NSF: variants seen among roughly 807,000 people sequenced by gnomAD.
NSF encodes the protein vesicle-fusing ATPase.
A neutral mutation model predicts 50.3 loss-of-function variants in NSF; 14 were observed. The observed-to-expected ratio is 0.28, with a 90% CI of 0.18 to 0.44. NSF has a LOEUF of 0.44. Ranked by LOEUF, NSF falls within the 20% of genes least tolerant of loss-of-function variation. The pLI is 1.00. For missense variants in NSF, 218 were observed against 504.3 expected (o/e 0.43, Z 5.44); for synonymous variants, 109 against 175.7 (o/e 0.62, Z 3.00).
chr17:46,721,134 C>T (rs187948840), intron 15 of NSF, among the ~76,000 whole-genome samples: 162 of 152,288 alleles, frequency 1.1e-3, no homozygotes, highest in African/African-American at 3.7e-3. Context: ...TCAGTGCTCA[C>T]GGAGTGCATG....
chr17:46,751,925 T>G (rs2059185162), intron 19 of NSF, among the ~76,000 whole-genome samples: 1 of 152,180 alleles, frequency 6.6e-6, no homozygotes, highest in Non-Finnish European at 1.5e-5. Context: ...ATTTTGGAGA[T>G]AAGGATACTA....
intron 9 of NSF, among the ~76,000 whole-genome samples, chr17:46,675,770 C>A (rs2146205031): frequency 8.8e-6 from 1 of 114,272 alleles, no homozygotes; most frequent in Admixed American, 1.1e-4. Context: ...CTGGTTCTAG[C>A]AATACAGTAG....
intron 17 of NSF, among the ~76,000 whole-genome samples, chr17:46,734,697 T>C (rs553804655): frequency 1.3e-5 from 2 of 152,224 alleles, no homozygotes; most frequent in South Asian, 4.1e-4. Context: ...ACTACATAGA[T>C]AGACAGTATT....
rs1158578265 is a variant in NSF at position 46,646,502 on chromosome 17, CAAAAAAAAAAAAAAAAAAAAAA to C, written c.745+3255_745+3276del. 8.1e-3 allele frequency among the ~76,000 whole-genome samples: 4 copies of C among 494 alleles called. 2 individuals are homozygous for C. The highest frequency in any genetic ancestry group is 0.012 in the African/African-American group (4 of 322). The allele number at this position is 494 out of a possible 152,430, so 0.3% of individuals were successfully genotyped here. On this transcript the variant is annotated intron_variant, in intron 8 of 20. Transcript: ENST00000398238. ...TGGGCGACAGAGCGAGACTCCATCT[CAAAAAAAAAAAAAAAAAAAAAA>C]AAAAAAAAAAAGAAGAAGATAATGT... is the stretch of plus-strand genomic sequence containing the variant.
chr17:46,712,661 T>C (rs1207448302), intron 14 of NSF, among the ~76,000 whole-genome samples: 1 of 152,156 alleles, frequency 6.6e-6, no homozygotes, highest in East Asian at 1.9e-4. Flanking sequence ...GTATATAGAC[T>C]GTGGTTGAAG....
chr17:46,712,583 T>TG (rs560842797), intron 14 of NSF, among the ~76,000 whole-genome samples: 1 of 152,190 alleles, frequency 6.6e-6, no homozygotes, highest in Admixed American at 6.5e-5. Flanking sequence ...ATAGGAGAAG[T>TG]AAATCGGAAA....
chr17:46,710,482 C>A (rs912737339), intron 13 of NSF, among the ~76,000 whole-genome samples: 3 of 152,112 alleles, frequency 2.0e-5, no homozygotes, highest in African/African-American at 7.2e-5. Context: ...TTAACTATGT[C>A]CCCTACCACA....
intron 17 of NSF, among the ~76,000 whole-genome samples, chr17:46,732,834 A>G (rs561510600): frequency 1.3e-5 from 2 of 152,346 alleles, no homozygotes; most frequent in Admixed American, 1.3e-4. Context: ...CTGTCCCAGC[A>G]GGGAGCCAAG....
At chr17:46,743,308 C>T (rs2059095795) in intron 17 of NSF, among the ~76,000 whole-genome samples, 1 of 152,140 alleles carries the variant, frequency 6.6e-6, no homozygotes, top group African/African-American at 2.4e-5. Flanking sequence ...ATTCCTGACA[C>T]CACAGGCAGA....
rs183729891 is a variant in NSF, at chr17:46,711,143, A to G, written c.1627+24A>G. On this transcript the variant is annotated intron_variant, in intron 14 of 20. Coordinates refer to ENST00000398238, the MANE Select transcript of NSF (RefSeq NM_006178.4). ...AGGTGAGAATGAATGAGGAGATGGCATTAAAAGTTAAAGGAAAAAAAGCAG... is the reference window on the plus strand; with the variant it reads ...AGGTGAGAATGAATGAGGAGATGGCGTTAAAAGTTAAAGGAAAAAAAGCAG... 447 of 1,473,266 alleles carry G rather than the reference A, an allele frequency of 3.0e-4. 3 individuals carry two copies. The highest frequency in any genetic ancestry group is 4.8e-5 in the Non-Finnish European group (53 of 1,114,764). The allele number at this position is 1,473,266 out of a possible 1,614,324, so 91.3% of individuals were successfully genotyped here. A position where few individuals can be genotyped will look rare whatever the true frequency, so the allele number is the denominator to read the frequency against.
rs1237103064 is a variant in NSF at position 46,631,105 on chromosome 17, C to T, written c.238+655C>T. Among the ~76,000 whole-genome samples, 356 of 145,456 alleles carry T rather than the reference C, an allele frequency of 2.4e-3. 2 individuals are homozygous for T. The highest frequency in any genetic ancestry group is 9.0e-3 in the African/African-American group (327 of 36,142). On this transcript the variant is annotated intron_variant, in intron 4 of 20. Coordinates refer to ENST00000398238, the MANE Select transcript of NSF (RefSeq NM_006178.4). ...ACACACACACACACACACACACACA[C>T]ATCTTTTATCCTACTCCTCATTTAG...
chr17:46,737,884 G>T (rs961369880), intron 17 of NSF, among the ~76,000 whole-genome samples: 3 of 149,922 alleles, frequency 2.0e-5, no homozygotes, highest in Admixed American at 6.7e-5. Context: ...AGAAGGTGAA[G>T]GATTTATGTA....
At chr17:46,753,963 A>T (rs1024635015) in intron 19 of NSF, among the ~76,000 whole-genome samples, 1 of 152,172 alleles carries the variant, frequency 6.6e-6, no homozygotes, top group Non-Finnish European at 1.5e-5. Flanking sequence ...AGAGCTGAGG[A>T]TCTGCTCTGA....
intron 17 of NSF, among the ~76,000 whole-genome samples, chr17:46,735,773 G>C (rs181747751): frequency 1.3e-5 from 2 of 152,070 alleles, no homozygotes; most frequent in Admixed American, 1.3e-4. Context: ...AGTGAAACCC[G>C]ATCTCTACTA....
intron 1 of NSF, among the ~76,000 whole-genome samples, chr17:46,610,021 CTT>C (rs779626834): frequency 2.5e-5 from 2 of 81,304 alleles, no homozygotes; most frequent in East Asian, 2.3e-4. Flanking sequence ...TTCTTTCTTT[CTT>C]TCTTTCTCTC....
chr17:46,713,256 T>C (rs1168165233), intron 14 of NSF: 2 of 152,396 alleles, frequency 1.3e-5, no homozygotes, highest in Non-Finnish European at 2.9e-5. Context: ...CAATCAGTAA[T>C]GTCATGTTCC....
chr17:46,747,777 C>T (rs1483285672), intron 17 of NSF, among the ~76,000 whole-genome samples: 1 of 151,948 alleles, frequency 6.6e-6, no homozygotes, highest in Admixed American at 6.6e-5. Flanking sequence ...AAGATTAGTC[C>T]TAGAGAATCA....
intron 15 of NSF, among the ~76,000 whole-genome samples, chr17:46,717,384 A>G (rs1055084842): frequency 1.3e-5 from 2 of 152,122 alleles, no homozygotes; most frequent in Non-Finnish European, 2.9e-5. Context: ...AAGTAATAAG[A>G]TCTAGTGTTG....
At chr17:46,735,279 T>A (rs1439500772) in intron 17 of NSF, among the ~76,000 whole-genome samples, 1 of 152,206 alleles carries the variant, frequency 6.6e-6, no homozygotes, top group Non-Finnish European at 1.5e-5. Context: ...CTAATAGTGT[T>A]GAGACGAAAT....
Sources: allele counts gnomAD v4.1 joint callset (sites outside exome capture counted in the v4.1 genomes callset), GRCh38; gene constraint gnomAD v4.1.1; transcripts MANE v1.5; gene names NCBI Gene and HGNC (gene_info 2026-07-23, HGNC 2026-07-21).